The following PTPRM variants were observed in gnomAD, a reference collection of about 807,000 sequenced individuals.
PTPRM encodes protein tyrosine phosphatase receptor type M.
Under a neutral mutation model 186.7 loss-of-function variants are expected in PTPRM, and 47 were observed. The observed-to-expected ratio is 0.25, with a 90% confidence interval of 0.20 to 0.32. PTPRM has a LOEUF of 0.32. Ranked by LOEUF, PTPRM falls within the 10% of genes least tolerant of loss-of-function variation. PTPRM has a pLI of 1.00. For missense variants in PTPRM, 1,494 were observed against 1,865.0 expected, an observed-to-expected ratio of 0.80 and a Z score of 3.66; for synonymous variants, 668 against 674.9, an observed-to-expected ratio of 0.99 and a Z score of 0.16.
intron 13 of PTPRM, among the ~76,000 whole-genome samples, chr18:8,126,227 G>C (rs2092359797): frequency 6.6e-6 from 1 of 150,682 alleles, no homozygotes; most frequent in South Asian, 2.1e-4. Flanking sequence ...CCTAGGTATT[G>C]TATAGCTTTC....
intron 13 of PTPRM, among the ~76,000 whole-genome samples, chr18:8,137,173 T>C (rs2092657258): frequency 6.6e-6 from 1 of 152,216 alleles, no homozygotes; most frequent in Non-Finnish European, 1.5e-5. Flanking sequence ...AGCTTTTCTT[T>C]TCAGCAGTTC....
At chr18:8,248,211 G>A (rs1452641105) in intron 17 of PTPRM, 35 bp downstream of exon 17, 1 of 1,517,974 alleles carries the variant, frequency 6.6e-7, no homozygotes, top group African/African-American at 1.4e-5. Context: ...GTTTATTGCA[G>A]GAGTAATTTA....
intron 19 of PTPRM, among the ~76,000 whole-genome samples, chr18:8,281,740 C>T (rs987985884): frequency 1.3e-5 from 2 of 152,086 alleles, no homozygotes; most frequent in East Asian, 3.8e-4. Flanking sequence ...CTAACATATC[C>T]AGTATTGATA....
At chr18:8,248,935 T>C (rs896217872) in intron 17 of PTPRM, among the ~76,000 whole-genome samples, 3 of 152,140 alleles carry the variant, frequency 2.0e-5, no homozygotes, top group Non-Finnish European at 4.4e-5. Context: ...GTTTGTCCAA[T>C]ATAAGAAGGG....
chr18:7,961,095 G>T (rs1177822814), intron 7 of PTPRM, among the ~76,000 whole-genome samples: 1 of 151,966 alleles, frequency 6.6e-6, no homozygotes, highest in East Asian at 1.9e-4. Context: ...GGGTAAATGG[G>T]GTATCCATCA....
intron 14 of PTPRM, among the ~76,000 whole-genome samples, chr18:8,217,596 T>C (rs2094105132): frequency 6.6e-6 from 1 of 152,202 alleles, no homozygotes; most frequent in African/African-American, 2.4e-5. Context: ...AAAATTAGAA[T>C]GGTTATATTG....
At chr18:7,977,105 T>C (rs796291015) in intron 7 of PTPRM, among the ~76,000 whole-genome samples, 2 of 152,288 alleles carry the variant, frequency 1.3e-5, no homozygotes, top group African/African-American at 4.8e-5. Flanking sequence ...TTGTTTTGTT[T>C]TGAGACAGAG....
intron 5 of PTPRM, among the ~76,000 whole-genome samples, chr18:7,927,010 T>C (rs1442527793): frequency 7.9e-6 from 1 of 127,060 alleles, no homozygotes; most frequent in Non-Finnish European, 1.6e-5. Context: ...CTAAAGAGTC[T>C]CTTTCTCTCT....
intron 2 of PTPRM, among the ~76,000 whole-genome samples, chr18:7,849,117 G>A (rs2046741238): frequency 6.6e-6 from 1 of 152,098 alleles, no homozygotes; most frequent in South Asian, 2.1e-4. Context: ...AGAATATATT[G>A]CACCCAGAAT....
intron 4 of PTPRM, among the ~76,000 whole-genome samples, chr18:7,923,638 G>A (rs2050999382): frequency 6.6e-6 from 1 of 152,202 alleles, no homozygotes; most frequent in Admixed American, 6.5e-5. Context: ...AGTGGTTTTA[G>A]GGCTTCAGTG....
intron 7 of PTPRM, among the ~76,000 whole-genome samples, chr18:8,014,997 C>A (rs968610108): frequency 6.6e-6 from 1 of 151,976 alleles, no homozygotes; most frequent in African/African-American, 2.4e-5. Flanking sequence ...TGTTTGGCTG[C>A]GCCAGTAGAA....
At chr18:7,628,146 T>G (rs899989728) in intron 1 of PTPRM, among the ~76,000 whole-genome samples, 1 of 152,008 alleles carries the variant, frequency 6.6e-6, no homozygotes, top group African/African-American at 2.4e-5. Flanking sequence ...AGAGTGAGAC[T>G]CCATCACACA....
intron 13 of PTPRM, among the ~76,000 whole-genome samples, chr18:8,132,217 T>C (rs962091986): frequency 6.6e-6 from 1 of 152,186 alleles, no homozygotes; most frequent in African/African-American, 2.4e-5. Context: ...ACAGTAAACA[T>C]GATAAACAAA....
intron 11 of PTPRM, among the ~76,000 whole-genome samples, chr18:8,091,466 G>A (rs1028958054): frequency 1.3e-5 from 2 of 152,116 alleles, no homozygotes; most frequent in African/African-American, 2.4e-5. Flanking sequence ...CATTCAGTAA[G>A]CATTATGGGG....
At chr18:8,016,465 G>A (rs2084868598) in intron 7 of PTPRM, among the ~76,000 whole-genome samples, 1 of 151,122 alleles carries the variant, frequency 6.6e-6, no homozygotes, top group African/African-American at 2.4e-5. Flanking sequence ...AGGCGGAGGC[G>A]GAGGTTGCAG....
chr18:7,815,373 C>T (rs2044754426), intron 2 of PTPRM: 1 of 152,226 alleles, frequency 6.6e-6, no homozygotes, highest in South Asian at 2.1e-4. Context: ...GCAGTGACAC[C>T]TATCTGTACC....
intron 32 of PTPRM, chr18:8,403,703 C>G (rs1473046046): frequency 6.6e-6 from 1 of 152,172 alleles, no homozygotes; most frequent in Non-Finnish European, 1.5e-5. Flanking sequence ...CAAAGAAATC[C>G]TAGACCTACT....
chr18:7,626,329 A>T (rs1169482522), intron 1 of PTPRM, among the ~76,000 whole-genome samples: 1 of 152,192 alleles, frequency 6.6e-6, no homozygotes, highest in Non-Finnish European at 1.5e-5. Flanking sequence ...AAAGGGTTTA[A>T]TGATCTTTGG....
At chr18:8,325,766 A>G (rs1352827886) in intron 22 of PTPRM, among the ~76,000 whole-genome samples, 1 of 151,698 alleles carries the variant, frequency 6.6e-6, no homozygotes, top group Admixed American at 6.7e-5. Context: ...ACTGCTTTCC[A>G]CAATGGCTGA....
Sources: gnomAD v4.1 joint callset for allele counts (sites outside exome capture counted in the v4.1 genomes callset) on GRCh38, gnomAD v4.1.1 for gene constraint, MANE v1.5 for transcripts, NCBI Gene and HGNC (gene_info 2026-07-23, HGNC 2026-07-21) for gene names.